The following NALF1 variants were observed in gnomAD, a reference collection of about 807,000 sequenced individuals.
NALF1 encodes the protein NALCN channel auxiliary factor 1, also known as family with sequence similarity 155 member A.
In NALF1, 3 loss-of-function variants were observed where a neutral mutation model predicts 48.4. That is an observed-to-expected ratio of 0.06 (90% CI 0.03 to 0.16). NALF1 has a LOEUF of 0.16. Among genes scored for constraint, NALF1 ranks in the 10% least tolerant of loss-of-function variants. The pLI is 1.00. For synonymous variants in NALF1, 262 were observed against 245.7 expected, an observed-to-expected ratio of 1.07 and a Z score of -0.62; for missense variants, 526 against 571.5, an observed-to-expected ratio of 0.92 and a Z score of 0.81.
intron 1 of NALF1, among the ~76,000 whole-genome samples, chr13:107,246,952 T>C (rs1171977618): frequency 1.3e-5 from 2 of 152,332 alleles, no homozygotes; most frequent in Middle Eastern, 3.4e-3. Context: ...ATGGTTTCCA[T>C]TGGAGTACTT....
At chr13:107,254,706 GTCA>G (rs1880777331) in intron 1 of NALF1, among the ~76,000 whole-genome samples, 4 of 152,214 alleles carry the variant, frequency 2.6e-5, no homozygotes, top group Non-Finnish European at 5.9e-5. Context: ...TCAGACGCTT[GTCA>G]TCATGACAAA....
chr13:107,803,912 C>A (rs1346256356), intron 1 of NALF1, among the ~76,000 whole-genome samples: 1 of 152,250 alleles, frequency 6.6e-6, no homozygotes, highest in East Asian at 1.9e-4. Context: ...AGTCCATGCA[C>A]CATGGAGCTG....
In NALF1 at chr13:107,260,991, G is replaced by A. The variant is rs943800829; in HGVS notation, c.916-50236C>T. Reference sequence around the variant, plus strand: ...ACATTTCGAAGATGGTTATCTCCACGGGCTTATTGGAGCCTGGGTTCCTGA... The same window carrying A: ...ACATTTCGAAGATGGTTATCTCCACAGGCTTATTGGAGCCTGGGTTCCTGA... On this transcript the variant is annotated intron_variant, in intron 1 of 2. Transcript: ENST00000375915. Among the ~76,000 whole-genome samples, 9 of 152,184 alleles carry A rather than the reference G, an allele frequency of 5.9e-5. No homozygotes were observed. In the South Asian group the frequency reaches 1.0e-3, roughly 18 times the overall value.
intron 1 of NALF1, among the ~76,000 whole-genome samples, chr13:107,813,041 C>T (rs993833310): frequency 2.6e-5 from 4 of 152,134 alleles, no homozygotes; most frequent in African/African-American, 7.2e-5. Context: ...CAGGTGTGAG[C>T]ACCACGCCTG....
intron 1 of NALF1, among the ~76,000 whole-genome samples, chr13:107,818,673 C>A (rs1438187202): frequency 6.7e-6 from 1 of 150,152 alleles, no homozygotes; most frequent in African/African-American, 2.5e-5. Flanking sequence ...GAGATCGAGA[C>A]CATCCTGGCT....
At chr13:107,810,749 T>C (rs1878963241) in intron 1 of NALF1, among the ~76,000 whole-genome samples, 1 of 152,100 alleles carries the variant, frequency 6.6e-6, no homozygotes, top group African/African-American at 2.4e-5. Context: ...CTCCTGTCAA[T>C]ATGCAGTTCA....
chr13:107,537,079 G>A (rs898516187), intron 1 of NALF1, among the ~76,000 whole-genome samples: 15 of 152,206 alleles, frequency 9.9e-5, no homozygotes, highest in South Asian at 6.2e-4. Flanking sequence ...AGGGCCAGTC[G>A]TGGGGTGGGA....
At chr13:107,590,639 T>C (rs945270590) in intron 1 of NALF1, among the ~76,000 whole-genome samples, 1 of 152,024 alleles carries the variant, frequency 6.6e-6, no homozygotes, top group Non-Finnish European at 1.5e-5. Context: ...ACAAGTCTCA[T>C]CCTTTTCTAA....
At chr13:107,482,064 AT>A (rs1224176744) in intron 1 of NALF1, among the ~76,000 whole-genome samples, 6 of 152,002 alleles carry the variant, frequency 3.9e-5, no homozygotes, top group Admixed American at 1.3e-4. Context: ...CTGTGAAAGT[AT>A]TTTTTTTAAT....
At chr13:107,673,077 A>T (rs1322849020) in intron 1 of NALF1, among the ~76,000 whole-genome samples, 1 of 152,072 alleles carries the variant, frequency 6.6e-6, no homozygotes, top group Non-Finnish European at 1.5e-5. Context: ...CAACTACACC[A>T]AAAACACCTT....
chr13:107,788,983 A>G (rs1239809715), intron 1 of NALF1: 2 of 152,234 alleles, frequency 1.3e-5, no homozygotes, highest in African/African-American at 4.8e-5. Context: ...GATAGCAGAG[A>G]AACTCCAGTG....
intron 1 of NALF1, among the ~76,000 whole-genome samples, chr13:107,672,155 C>T (rs529660198): frequency 6.6e-6 from 1 of 152,258 alleles, no homozygotes; most frequent in South Asian, 2.1e-4. Context: ...TTGAGTCCAC[C>T]AACCAGCTAT....
chr13:107,178,991 T>A (rs1435654998), intron 2 of NALF1, among the ~76,000 whole-genome samples: 1 of 151,646 alleles, frequency 6.6e-6, no homozygotes, highest in East Asian at 1.9e-4. Context: ...TACCATATGA[T>A]CCATCAATCC....
chr13:107,332,789 G>C (rs1360340472), intron 1 of NALF1, among the ~76,000 whole-genome samples: 1 of 152,078 alleles, frequency 6.6e-6, no homozygotes, highest in Non-Finnish European at 1.5e-5. Flanking sequence ...ACGAACCTTT[G>C]TTCACATCTC....
At chr13:107,821,488 T>A (rs895338598) in intron 1 of NALF1, among the ~76,000 whole-genome samples, 1 of 152,220 alleles carries the variant, frequency 6.6e-6, no homozygotes, top group Admixed American at 6.5e-5. Context: ...ACATTTCTTC[T>A]CTGCAGAATT....
At chr13:107,813,087 T>C (rs1446361939) in intron 1 of NALF1, among the ~76,000 whole-genome samples, 1 of 152,184 alleles carries the variant, frequency 6.6e-6, no homozygotes, top group Non-Finnish European at 1.5e-5. Context: ...TAAAGCTTAT[T>C]CTCTTTTGCC....
chr13:107,695,664 C>T (rs1255974849), intron 1 of NALF1, among the ~76,000 whole-genome samples: 1 of 152,036 alleles, frequency 6.6e-6, no homozygotes, highest in Non-Finnish European at 1.5e-5. Flanking sequence ...CAAATAATAC[C>T]ATTCTCCTCG....
chr13:107,759,768 C>CT (rs58668313), intron 1 of NALF1, among the ~76,000 whole-genome samples: 26,904 of 147,038 alleles, frequency 0.18, 2,993 homozygotes, highest in East Asian at 0.6. Flanking sequence ...ATTTACTTTG[C>CT]TTTTTTTTTT....
intron 1 of NALF1, among the ~76,000 whole-genome samples, chr13:107,587,197 G>C (rs943138332): frequency 6.6e-6 from 1 of 152,026 alleles, no homozygotes; most frequent in Non-Finnish European, 1.5e-5. Flanking sequence ...CAGTCAGGAA[G>C]GGAACACAGA....
Sources: gnomAD v4.1 joint callset for allele counts (sites outside exome capture counted in the v4.1 genomes callset) on GRCh38, gnomAD v4.1.1 for gene constraint, MANE v1.5 for transcripts, NCBI Gene and HGNC (gene_info 2026-07-23, HGNC 2026-07-21) for gene names.